The following MET variants were observed in gnomAD, a reference collection of about 807,000 sequenced individuals.
The protein encoded by MET is MET proto-oncogene, receptor tyrosine kinase.
In MET, 48 loss-of-function variants were observed where a neutral mutation model predicts 133.1. That is an observed-to-expected ratio of 0.36 (90% CI 0.29 to 0.46). MET has a LOEUF of 0.46. Ranked by LOEUF, MET falls within the 20% of genes least tolerant of loss-of-function variation. The pLI is 1.00. For missense variants in MET, 1,442 were observed against 1,695.9 expected (o/e 0.85, Z 2.63); for synonymous variants, 628 against 616.5 (o/e 1.02, Z -0.28).
intron 2 of MET, among the ~76,000 whole-genome samples, chr7:116,716,073 A>G (rs945480908): frequency 7.2e-5 from 11 of 152,190 alleles, no homozygotes; most frequent in Admixed American, 1.3e-4. Flanking sequence ...CAACATGGCA[A>G]AATCCCATCT....
Position 116,673,083 on chromosome 7 carries a change from A to G in MET, c.-15+506A>G, listed in dbSNP as rs139824613. Among the ~76,000 whole-genome samples the G allele has an allele frequency of 3.7e-3, 569 of 152,160 alleles. 2 individuals carry two copies. The highest frequency in any genetic ancestry group is 0.012 in the African/African-American group (509 of 41,508). On this transcript the variant is annotated intron_variant, in intron 1 of 20. Transcript: ENST00000397752. ...TTGTGATCCATCAATTTTCCATCGT[A>G]CCTTATCTCTTTCTGGGGCTTGTGG... is the stretch of plus-strand genomic sequence containing the variant.
chr7:116,724,777 A>C (rs1792674332), intron 2 of MET: 1 of 1,275,382 alleles, frequency 7.8e-7, no homozygotes, highest in Admixed American at 2.3e-5. Context: ...TACAGGCAGA[A>C]AATGTGCTAG....
At chr7:116,760,611 T>C (rs2116944240) in intron 10 of MET, among the ~76,000 whole-genome samples, 1 of 152,318 alleles carries the variant, frequency 6.6e-6, no homozygotes, top group African/African-American at 2.4e-5. Context: ...CACTTCCTTT[T>C]AGATTCTCCA....
intron 19 of MET, among the ~76,000 whole-genome samples, chr7:116,793,868 C>T (rs1329623383): frequency 6.6e-6 from 1 of 152,080 alleles, no homozygotes; most frequent in African/African-American, 2.4e-5. Context: ...CACTTCACTC[C>T]AGCCTGGGCA....
chr7:116,777,537 TA>T, intron 16 of MET, 68 bp downstream of exon 16: 1 of 1,417,846 alleles, frequency 7.1e-7, no homozygotes, highest in East Asian at 2.3e-5. Context: ...TAGCTTATAA[TA>T]AAACGTTGAT....
intron 14 of MET, among the ~76,000 whole-genome samples, chr7:116,774,156 A>T (rs1254835503): frequency 6.6e-6 from 1 of 152,216 alleles, no homozygotes; most frequent in East Asian, 1.9e-4. Context: ...AAATAAAAAA[A>T]AAAATTCTCC....
chr7:116,695,867 T>C, intron 1 of MET: 1 of 420,260 alleles, frequency 2.4e-6, no homozygotes, highest in Non-Finnish European at 5.0e-6. Flanking sequence ...AGGCTTCATC[T>C]TGTCCTCTGG....
At chr7:116,710,676 A>G (rs1791962707) in intron 2 of MET, among the ~76,000 whole-genome samples, 1 of 151,998 alleles carries the variant, frequency 6.6e-6, no homozygotes, top group African/African-American at 2.4e-5. Flanking sequence ...GGACTTCACC[A>G]CACCTAACAA....
In MET at chr7:116,699,389, G is replaced by A. The variant is rs779897466; in HGVS notation, c.305G>A (p.Ser102Asn). ...HPDCFPCQDCSSKANLSGGVW... is the reference protein window; with the variant it reads ...HPDCFPCQDCNSKANLSGGVW... ...GATTGTTTCCCATGTCAGGACTGCAGCAGCAAAGCCAATTTATCAGGAGGT... is the reference window on the plus strand; with the variant it reads ...GATTGTTTCCCATGTCAGGACTGCAACAGCAAAGCCAATTTATCAGGAGGT... The change falls in exon 2 of 21, where the codon AGC (serine) becomes AAC (asparagine). Residue 102 changes from serine (S) to asparagine (N), a missense_variant. Coordinates refer to ENST00000397752, the MANE Select transcript of MET (RefSeq NM_000245.4). 5.0e-6 allele frequency: 8 copies of A among 1,613,926 alleles called. No individual in the cohort carries two copies. The highest frequency in any genetic ancestry group is 1.7e-5 in the Admixed American group (1 of 59,980).
chr7:116,678,859 A>T (rs911991641), intron 1 of MET, among the ~76,000 whole-genome samples: 1 of 152,138 alleles, frequency 6.6e-6, no homozygotes, highest in Non-Finnish European at 1.5e-5. Context: ...ATGTCCCTCT[A>T]AGCTCTTTGA....
intron 1 of MET, among the ~76,000 whole-genome samples, chr7:116,694,119 C>G (rs1345673956): frequency 6.6e-6 from 1 of 152,204 alleles, no homozygotes; most frequent in Non-Finnish European, 1.5e-5. Context: ...GCGCCAAATA[C>G]TTCTAAAAGG....
intron 1 of MET, among the ~76,000 whole-genome samples, chr7:116,689,374 G>T (rs957750045): frequency 6.6e-6 from 1 of 152,020 alleles, no homozygotes; most frequent in Non-Finnish European, 1.5e-5. Context: ...TGTGAGTTTT[G>T]TGGGTAAAAA....
chr7:116,716,207 T>G (rs904598041), intron 2 of MET, among the ~76,000 whole-genome samples: 1 of 149,138 alleles, frequency 6.7e-6, no homozygotes, highest in Admixed American at 6.8e-5. Context: ...GAGCCAAGAT[T>G]GTGCCACTGC....
At chr7:116,747,766 C>A (rs1372217838) in intron 5 of MET, among the ~76,000 whole-genome samples, 1 of 152,024 alleles carries the variant, frequency 6.6e-6, no homozygotes, top group Non-Finnish European at 1.5e-5. Context: ...CGGCTCTGGA[C>A]CAAGCAGACC....
At chr7:116,770,936 CAGA>C (rs1203593225) in intron 12 of MET, among the ~76,000 whole-genome samples, 1 of 152,152 alleles carries the variant, frequency 6.6e-6, no homozygotes, top group Non-Finnish European at 1.5e-5. Flanking sequence ...GTTGGAATTT[CAGA>C]AGGACCATAA....
chr7:116,741,621 G>A (rs1043267261), intron 5 of MET, among the ~76,000 whole-genome samples: 22 of 152,130 alleles, frequency 1.4e-4, no homozygotes, highest in South Asian at 6.2e-4. Flanking sequence ...ATTATTTCCC[G>A]GGGTGAGGTG....
chr7:116,711,659 T>A (rs1252082066), intron 2 of MET, among the ~76,000 whole-genome samples: 5 of 152,022 alleles, frequency 3.3e-5, no homozygotes, highest in African/African-American at 1.2e-4. Context: ...TTGACATTGA[T>A]GCCAATAAGA....
At position 116,795,944 on chromosome 7, in the gene MET, T is replaced by C. The variant is rs2117111260; in HGVS notation, c.3993T>C (p.Ser1331=). ...AAGCCGAAATGCGCCCATCCTTTTCTGAACTGGTGTCCCGGATATCAGCGA... is the reference window on the plus strand; with the variant it reads ...AAGCCGAAATGCGCCCATCCTTTTCCGAACTGGTGTCCCGGATATCAGCGA... ...HPKAEMRPSF[S]ELVSRISAIF... is the part of the protein sequence containing the mutation. The change falls in exon 21 of 21, where the codon TCT becomes TCC. Residue 1331 remains serine (S), a synonymous_variant. Coordinates refer to ENST00000397752, the MANE Select transcript of MET (RefSeq NM_000245.4). 2 of 1,614,206 alleles carry C rather than the reference T, an allele frequency of 1.2e-6. No homozygotes were observed. Among genetic ancestry groups the C allele is most frequent in the East Asian group, 4.5e-5 (2 of 44,888 alleles).
At chr7:116,741,241 T>TC in intron 5 of MET, 1 of 563,022 alleles carries the variant, frequency 1.8e-6, no homozygotes, top group Non-Finnish European at 3.1e-6. Context: ...TGTTTGGGCA[T>TC]CCCCCCAAGT....
Sources: gnomAD v4.1 joint callset for allele counts (sites outside exome capture counted in the v4.1 genomes callset) on GRCh38, gnomAD v4.1.1 for gene constraint, MANE v1.5 for transcripts, NCBI Gene and HGNC (gene_info 2026-07-23, HGNC 2026-07-21) for gene names.